RALYL: variants seen among roughly 807,000 people sequenced by gnomAD.
RALYL encodes the protein RALY RNA binding protein like.
In RALYL, 29 loss-of-function variants were observed where a neutral mutation model predicts 35.1. That is an observed-to-expected ratio of 0.83 (90% CI 0.61 to 1.13). The LOEUF (loss-of-function observed/expected upper bound fraction) is 1.13, where lower values mean the gene tolerates loss of function less well. RALYL is among the 50% of genes most tolerant of loss of function. The pLI is 0.00. For missense variants in RALYL, 359 were observed against 360.4 expected, an observed-to-expected ratio of 1.00 and a Z score of 0.03; for synonymous variants, 120 against 127.6, an observed-to-expected ratio of 0.94 and a Z score of 0.40.
chr8:84,822,812 G>T (rs1275308991), intron 4 of RALYL, among the ~76,000 whole-genome samples: 2 of 152,084 alleles, frequency 1.3e-5, no homozygotes, highest in Non-Finnish European at 2.9e-5. Flanking sequence ...CAAATCAGGG[G>T]TTAAAAACAG....
At chr8:84,488,749 A>G (rs1564020096) in intron 1 of RALYL, among the ~76,000 whole-genome samples, 1 of 152,028 alleles carries the variant, frequency 6.6e-6, no homozygotes. Context: ...AACATTTTCA[A>G]AGTAATACTG....
At chr8:84,320,564 G>A (rs1472702695) in intron 1 of RALYL, among the ~76,000 whole-genome samples, 1 of 151,868 alleles carries the variant, frequency 6.6e-6, no homozygotes, top group Non-Finnish European at 1.5e-5. Context: ...ACAATTAAAT[G>A]CAAATACCAA....
intron 2 of RALYL, among the ~76,000 whole-genome samples, chr8:84,762,062 C>T (rs1343313717): frequency 6.6e-6 from 1 of 151,960 alleles, no homozygotes. Context: ...AACAAAGCAC[C>T]AGGCATGTTT....
intron 4 of RALYL, among the ~76,000 whole-genome samples, chr8:84,815,765 G>A (rs1329688831): frequency 2.6e-5 from 4 of 151,834 alleles, no homozygotes; most frequent in South Asian, 2.1e-4. Context: ...GGCCAGGCGC[G>A]GTGGCTCATG....
At chr8:84,534,485 T>C (rs528233211) in intron 2 of RALYL, among the ~76,000 whole-genome samples, 14 of 152,358 alleles carry the variant, frequency 9.2e-5, no homozygotes, top group Admixed American at 3.9e-4. Context: ...CTCTAAGCTA[T>C]AAGTTTTTTA....
At chr8:84,639,473 G>T (rs375441305) in intron 2 of RALYL, among the ~76,000 whole-genome samples, 1 of 151,890 alleles carries the variant, frequency 6.6e-6, no homozygotes, top group African/African-American at 2.4e-5. Flanking sequence ...GTGAGGAAAG[G>T]TATAGTGAAA....
At chr8:84,766,218 G>A (rs1019587206) in intron 2 of RALYL, among the ~76,000 whole-genome samples, 1 of 152,096 alleles carries the variant, frequency 6.6e-6, no homozygotes, top group East Asian at 1.9e-4. Flanking sequence ...TGATTTGCTG[G>A]ATGCTAATAG....
intron 2 of RALYL, among the ~76,000 whole-genome samples, chr8:84,763,289 C>T (rs756476673): frequency 5.3e-5 from 8 of 152,092 alleles, no homozygotes; most frequent in Non-Finnish European, 8.8e-5. Context: ...AAGGTAAAAC[C>T]TGAGAGTTCT....
At position 84,359,029 on chromosome 8, in the gene RALYL, T is replaced by C. The variant is rs1415662554; in HGVS notation, c.-23-170270T>C. Reference sequence around the variant, plus strand: ...TGTATACATAAATATAGAAATATATTTATGAACCTGGTAATGACAAATTGA... The same window carrying C: ...TGTATACATAAATATAGAAATATATCTATGAACCTGGTAATGACAAATTGA... On this transcript the variant is annotated intron_variant, in intron 1 of 8. Transcript: ENST00000521268. Among the ~76,000 whole-genome samples the C allele has an allele frequency of 7.2e-5, 11 of 151,988 alleles. 1 individual carries two copies. The highest frequency in any genetic ancestry group is 1.6e-4 in the Non-Finnish European group (11 of 67,962).
At chr8:84,507,128 G>T (rs916323428) in intron 1 of RALYL, among the ~76,000 whole-genome samples, 1 of 151,900 alleles carries the variant, frequency 6.6e-6, no homozygotes, top group African/African-American at 2.4e-5. Flanking sequence ...CACTTTTCCT[G>T]CCCCATCTCC....
chr8:84,431,655 T>G (rs904403027), intron 1 of RALYL, among the ~76,000 whole-genome samples: 1 of 152,166 alleles, frequency 6.6e-6, no homozygotes, highest in Non-Finnish European at 1.5e-5. Flanking sequence ...GCAGAATTTG[T>G]CTTTCTGTCC....
intron 1 of RALYL, among the ~76,000 whole-genome samples, chr8:84,457,802 T>G (rs1226402351): frequency 6.6e-6 from 1 of 151,846 alleles, no homozygotes; most frequent in African/African-American, 2.4e-5. Context: ...CAGACCAAAT[T>G]AGAATAACTC....
chr8:84,302,141 G>A (rs548541511), intron 1 of RALYL, among the ~76,000 whole-genome samples: 1 of 152,258 alleles, frequency 6.6e-6, no homozygotes, highest in South Asian at 2.1e-4. Context: ...TATAAGGGAT[G>A]TGGAGTCACT....
At chr8:84,895,561 G>A (rs1439648833) in intron 8 of RALYL, among the ~76,000 whole-genome samples, 2 of 152,160 alleles carry the variant, frequency 1.3e-5, no homozygotes, top group Non-Finnish European at 2.9e-5. Flanking sequence ...TGCCCAAGCT[G>A]GAGTGCAGTG....
At chr8:84,571,233 A>T (rs936219060) in intron 2 of RALYL, among the ~76,000 whole-genome samples, 6 of 151,808 alleles carry the variant, frequency 4.0e-5, no homozygotes, top group Non-Finnish European at 8.8e-5. Context: ...CTATGAATCC[A>T]TCTGGTCCTG....
intron 1 of RALYL, among the ~76,000 whole-genome samples, chr8:84,419,191 T>A (rs2045129786): frequency 1.3e-5 from 2 of 152,194 alleles, no homozygotes; most frequent in African/African-American, 4.8e-5. Flanking sequence ...TTTATTCTTG[T>A]GGTCTCCTTG....
At chr8:84,896,173 C>G (rs1400261616) in intron 8 of RALYL, among the ~76,000 whole-genome samples, 1 of 152,144 alleles carries the variant, frequency 6.6e-6, no homozygotes, top group Non-Finnish European at 1.5e-5. Context: ...GGTGCAGGAC[C>G]CACAAGGTGC....
chr8:84,339,900 C>G lies in RALYL; in HGVS notation c.-24+155476C>G, dbSNP rs184375376. Among the ~76,000 whole-genome samples, 142 of 152,116 alleles carry G rather than the reference C, an allele frequency of 9.3e-4. 1 individual carries two copies. Among genetic ancestry groups the G allele is most frequent in the African/African-American group, 2.9e-3 (122 of 41,528 alleles). On this transcript the variant is annotated intron_variant, in intron 1 of 8. Transcript: ENST00000521268. Reference sequence around the variant, plus strand: ...GATATGGTTTGGCTGTGTCCCCACCCAAATCTCATCTTGAAGTGTAGCTTC... The same window carrying G: ...GATATGGTTTGGCTGTGTCCCCACCGAAATCTCATCTTGAAGTGTAGCTTC...
At chr8:84,829,572 T>G (rs1830438823) in intron 4 of RALYL, 1 of 151,834 alleles carries the variant, frequency 6.6e-6, no homozygotes, top group Admixed American at 6.6e-5. Context: ...CCCCAGCCCC[T>G]CCTCAGTGCC....
Sources: allele counts gnomAD v4.1 joint callset (sites outside exome capture counted in the v4.1 genomes callset), GRCh38; gene constraint gnomAD v4.1.1; transcripts MANE v1.5; gene names NCBI Gene and HGNC (gene_info 2026-07-23, HGNC 2026-07-21).